IL23R: variants seen among roughly 807,000 people sequenced by gnomAD.
The protein encoded by IL23R is interleukin-23 receptor.
A neutral mutation model predicts 56.9 loss-of-function variants in IL23R; 34 were observed. The observed-to-expected ratio is 0.60, with a 90% CI of 0.45 to 0.80. The LOEUF (loss-of-function observed/expected upper bound fraction) is 0.80, where lower values mean the gene tolerates loss of function less well. Ranked by LOEUF, IL23R falls within the 30% of genes least tolerant of loss-of-function variation. IL23R has a pLI of 0.00. For synonymous variants in IL23R, 230 were observed against 249.2 expected, an observed-to-expected ratio of 0.92 and a Z score of 0.73; for missense variants, 635 against 730.0, an observed-to-expected ratio of 0.87 and a Z score of 1.50.
chr1:67,168,128 A>G lies in IL23R; in HGVS notation c.8A>G (p.Gln3Arg), dbSNP rs756938673. 10 of 1,607,766 alleles carry G rather than the reference A, an allele frequency of 6.2e-6. No individual in the cohort carries two copies. The Middle Eastern group carries it at 6.6e-4, about 106-fold the overall frequency. The change falls in exon 2 of 11, where the codon CAG (glutamine) becomes CGG (arginine). Residue 3 changes from glutamine (Q) to arginine (R), a missense_variant. By Grantham distance (43) the Gln-to-Arg change is conservative. Transcript: ENST00000347310. MN[Q>R]VTIQWDAVIA... ...CTTTTCCTGCTTCCAGACATGAATCAGGTCACTATTCAATGGGATGCAGTA... is the reference window on the plus strand; with the variant it reads ...CTTTTCCTGCTTCCAGACATGAATCGGGTCACTATTCAATGGGATGCAGTA...
upstream of IL23R, among the ~76,000 whole-genome samples, chr1:67,162,337 G>A (rs1646829684): frequency 1.3e-5 from 2 of 151,494 alleles, no homozygotes; most frequent in Admixed American, 1.3e-4. Flanking sequence ...GGTGGCACAT[G>A]TGGCACCATG....
intron 1 of IL23R, among the ~76,000 whole-genome samples, chr1:67,146,467 T>A (rs1036020428): frequency 5.3e-5 from 8 of 152,170 alleles, no homozygotes; most frequent in Admixed American, 5.2e-4. Context: ...TTTACCCATA[T>A]TTTTATTGAA....
At chr1:67,173,446 A>T (rs1646969021) in intron 3 of IL23R, among the ~76,000 whole-genome samples, 1 of 152,200 alleles carries the variant, frequency 6.6e-6, no homozygotes, top group South Asian at 2.1e-4. Flanking sequence ...GGAAAAAATA[A>T]CTTCAGCACA....
chr1:67,247,225 G>A (rs771470245), intron 9 of IL23R, among the ~76,000 whole-genome samples: 1 of 150,788 alleles, frequency 6.6e-6, no homozygotes, highest in Non-Finnish European at 1.5e-5. Flanking sequence ...TGGGTCTCCT[G>A]AATACAGCAC....
intron 1 of IL23R, among the ~76,000 whole-genome samples, chr1:67,146,371 G>C (rs1247003132): frequency 6.6e-6 from 1 of 152,134 alleles, no homozygotes; most frequent in Non-Finnish European, 1.5e-5. Flanking sequence ...TGTGGTCTCA[G>C]GTTACCACAG....
At chr1:67,237,653 G>A (rs1331156552) in intron 8 of IL23R, among the ~76,000 whole-genome samples, 3 of 152,022 alleles carry the variant, frequency 2.0e-5, no homozygotes, top group East Asian at 1.9e-4. Flanking sequence ...GACTATTATC[G>A]TATTGATGAG....
At chr1:67,243,220 G>T (rs1651967529) in intron 9 of IL23R, among the ~76,000 whole-genome samples, 1 of 152,062 alleles carries the variant, frequency 6.6e-6, no homozygotes, top group Non-Finnish European at 1.5e-5. Flanking sequence ...TAACTGATGG[G>T]TTATCATAGG....
intron 1 of IL23R, among the ~76,000 whole-genome samples, chr1:67,141,246 A>G (rs983560896): frequency 6.6e-6 from 1 of 152,200 alleles, no homozygotes; most frequent in African/African-American, 2.4e-5. Context: ...GTGGTAAAGT[A>G]TATCTTGGAA....
chr1:67,203,303 T>C (rs892065263), intron 5 of IL23R, among the ~76,000 whole-genome samples: 3 of 152,178 alleles, frequency 2.0e-5, no homozygotes, highest in African/African-American at 7.2e-5. Context: ...GTCACTTAGC[T>C]AGTAATGAGG....
chr1:67,167,830 C>A (rs376113070), intron 1 of IL23R, among the ~76,000 whole-genome samples: 1 of 152,224 alleles, frequency 6.6e-6, no homozygotes, highest in Non-Finnish European at 1.5e-5. Context: ...AAATGCCCTA[C>A]TGAGTTAATT....
chr1:67,189,489 A>T (rs1647586989), intron 4 of IL23R, among the ~76,000 whole-genome samples: 1 of 152,238 alleles, frequency 6.6e-6, no homozygotes, highest in South Asian at 2.1e-4. Flanking sequence ...ATTTTATTAC[A>T]TTCTAAACAG....
chr1:67,161,764 A>T (rs1646822928), upstream of IL23R, among the ~76,000 whole-genome samples: 1 of 151,978 alleles, frequency 6.6e-6, no homozygotes, highest in Non-Finnish European at 1.5e-5. Context: ...AGTAGCTGGG[A>T]TTACAGACAT....
chr1:67,171,076 C>G (rs1327410593), intron 3 of IL23R, among the ~76,000 whole-genome samples: 1 of 152,160 alleles, frequency 6.6e-6, no homozygotes, highest in Non-Finnish European at 1.5e-5. Flanking sequence ...AAGAAATCTT[C>G]TTAGCTTGTC....
At chr1:67,229,272 G>A (rs151202404) in intron 7 of IL23R, among the ~76,000 whole-genome samples, 5 of 152,254 alleles carry the variant, frequency 3.3e-5, no homozygotes, top group African/African-American at 1.2e-4. Flanking sequence ...CAGAACTTGG[G>A]AAAACACTTA....
At chr1:67,166,062 A>G (rs1646870951), upstream of IL23R, among the ~76,000 whole-genome samples, 1 of 152,250 alleles carries the variant, frequency 6.6e-6, no homozygotes, top group African/African-American at 2.4e-5. Flanking sequence ...CATGTTGTAT[A>G]TCATCAAATT....
At chr1:67,214,140 C>A (rs906181450) in intron 6 of IL23R, among the ~76,000 whole-genome samples, 2 of 152,180 alleles carry the variant, frequency 1.3e-5, no homozygotes, top group African/African-American at 4.8e-5. Context: ...CAGGGATAGC[C>A]ACTGCACTGC....
chr1:67,261,354 T>G (rs1653196603), downstream of IL23R, among the ~76,000 whole-genome samples: 1 of 151,446 alleles, frequency 6.6e-6, no homozygotes, highest in South Asian at 2.1e-4. Context: ...CCTCTTTATT[T>G]TACTTTTTAT....
intron 8 of IL23R, among the ~76,000 whole-genome samples, chr1:67,238,716 T>C (rs1651656544): frequency 6.6e-6 from 1 of 152,210 alleles, no homozygotes; most frequent in South Asian, 2.1e-4. Flanking sequence ...TGCCGAGCAC[T>C]GTGTTGACCT....
At chr1:67,214,526 G>A (rs1649702215) in intron 6 of IL23R, among the ~76,000 whole-genome samples, 1 of 152,212 alleles carries the variant, frequency 6.6e-6, no homozygotes, top group South Asian at 2.1e-4. Flanking sequence ...TGAAAAGTGA[G>A]CTCAAATGTA....
Sources: allele counts gnomAD v4.1 joint callset (sites outside exome capture counted in the v4.1 genomes callset), GRCh38; gene constraint gnomAD v4.1.1; transcripts MANE v1.5; gene names NCBI Gene and HGNC (gene_info 2026-07-23, HGNC 2026-07-21).